The following ADAM9 variants were observed in gnomAD, a reference collection of about 807,000 sequenced individuals.
ADAM9 encodes ADAM metallopeptidase domain 9, also known as disintegrin and metalloproteinase domain-containing protein 9.
In ADAM9, 54 loss-of-function variants were observed where a neutral mutation model predicts 108.1. That is an observed-to-expected ratio of 0.50 (90% confidence interval 0.40 to 0.63). The LOEUF (loss-of-function observed/expected upper bound fraction) is 0.63, where lower values mean the gene tolerates loss of function less well. Ranked by LOEUF, ADAM9 falls within the 20% of genes least tolerant of loss-of-function variation. ADAM9 has a pLI of 0.00. For missense variants in ADAM9, 830 were observed against 997.7 expected, an observed-to-expected ratio of 0.83 and a Z score of 2.26; for synonymous variants, 316 against 336.0, an observed-to-expected ratio of 0.94 and a Z score of 0.65.
chr8:39,043,433 C>T (rs1837515230), intron 12 of ADAM9, among the ~76,000 whole-genome samples: 1 of 152,096 alleles, frequency 6.6e-6, no homozygotes, highest in African/African-American at 2.4e-5. Flanking sequence ...CTTGCCGACA[C>T]TTGTTGTCTT....
chr8:39,014,729 A>AT, intron 4 of ADAM9: 1 of 522,808 alleles, frequency 1.9e-6, no homozygotes, highest in Non-Finnish European at 3.4e-6. Flanking sequence ...TGTATGTTTT[A>AT]TTTTTCTTCT....
intron 16 of ADAM9, among the ~76,000 whole-genome samples, chr8:39,080,688 ATATT>A (rs1349950081): frequency 6.6e-6 from 1 of 152,168 alleles, no homozygotes; most frequent in African/African-American, 2.4e-5. Flanking sequence ...TATTCTTTAT[ATATT>A]TATTCAACAT....
chr8:39,054,618 A>AAG, intron 13 of ADAM9, 45 bp downstream of exon 13: 1 of 1,522,772 alleles, frequency 6.6e-7, no homozygotes, highest in South Asian at 1.2e-5. Context: ...AAAAAAAAAA[A>AAG]AAAAGAAAAC....
chr8:39,085,897 C>T (rs2129442722), intron 18 of ADAM9, among the ~76,000 whole-genome samples: 1 of 152,056 alleles, frequency 6.6e-6, no homozygotes, highest in Admixed American at 6.6e-5. Flanking sequence ...TTTCTGTCTT[C>T]CTCTTTCTCC....
chr8:39,007,758 A>G, intron 1 of ADAM9, 128 bp from the exon 2 acceptor site: 1 of 675,356 alleles, frequency 1.5e-6, no homozygotes, highest in South Asian at 1.7e-5. Flanking sequence ...CTTTTATTAT[A>G]TGCATATTGT....
rs1007454535 is a variant in ADAM9 at position 39,054,672 on chromosome 8, C to T, written c.1395+99C>T. 23 of 1,054,110 alleles carry T rather than the reference C, an allele frequency of 2.2e-5. No individual in the cohort carries two copies. The South Asian group carries it at 2.9e-4, about 13-fold the overall frequency. 65.3% of individuals were successfully genotyped at this position (1,054,110 alleles called of 1,614,324 possible). A position where few individuals can be genotyped will look rare whatever the true frequency, so the allele number is the denominator to read the frequency against. On this transcript the variant is annotated intron_variant, in intron 13 of 21. Coordinates refer to ENST00000487273, the MANE Select transcript of ADAM9 (RefSeq NM_003816.3). ...GTTTTTTGAGATTTCTGAGTCAGCA[C>T]TATTTTTATTTTATGGTCATGGGAA...
intron 12 of ADAM9, among the ~76,000 whole-genome samples, chr8:39,045,100 GTGTGCATACATACATA>G (rs1564297317): frequency 1.8e-4 from 4 of 22,786 alleles, no homozygotes; most frequent in Admixed American, 5.1e-4. Flanking sequence ...ACATATGTGT[GTGTGCATACATACATA>G]TGTGTGTGTG....
intron 14 of ADAM9, among the ~76,000 whole-genome samples, chr8:39,066,253 T>C (rs1407318947): frequency 2.0e-5 from 3 of 152,238 alleles, no homozygotes; most frequent in African/African-American, 4.8e-5. Context: ...TTATAATCCT[T>C]TGGGTATATA....
At chr8:39,079,474 T>C (rs547627561) in intron 16 of ADAM9, among the ~76,000 whole-genome samples, 52 of 152,320 alleles carry the variant, frequency 3.4e-4, no homozygotes, top group African/African-American at 1.2e-3. Flanking sequence ...GATATCTCTT[T>C]TTCTATTAGC....
At chr8:39,067,464 T>C (rs1186432000) in intron 14 of ADAM9, among the ~76,000 whole-genome samples, 1 of 152,218 alleles carries the variant, frequency 6.6e-6, no homozygotes, top group Non-Finnish European at 1.5e-5. Flanking sequence ...AAGAGGTCCT[T>C]CACATCCCTT....
chr8:39,088,727 C>T (rs1040461577), intron 18 of ADAM9, among the ~76,000 whole-genome samples: 37 of 151,892 alleles, frequency 2.4e-4, no homozygotes, highest in Non-Finnish European at 2.5e-4. Context: ...ATCTAGAAGG[C>T]GTAAAAATAA....
intron 14 of ADAM9, among the ~76,000 whole-genome samples, chr8:39,057,698 G>C (rs1838170333): frequency 6.6e-6 from 1 of 152,168 alleles, no homozygotes; most frequent in African/African-American, 2.4e-5. Flanking sequence ...TCTCTTACTT[G>C]AGGGAGGACT....
At chr8:39,057,192 G>A (rs1470047422) in intron 14 of ADAM9, among the ~76,000 whole-genome samples, 1 of 151,948 alleles carries the variant, frequency 6.6e-6, no homozygotes, top group Non-Finnish European at 1.5e-5. Flanking sequence ...ACCTAGGTTT[G>A]TTTAAGTGCA....
At chr8:39,041,323 T>C (rs1307542565) in intron 11 of ADAM9, among the ~76,000 whole-genome samples, 4 of 152,222 alleles carry the variant, frequency 2.6e-5, no homozygotes, top group Admixed American at 2.0e-4. Context: ...CAACTAACTT[T>C]CAAAGTACTA....
At chr8:39,019,466 AT>A (rs1190916441) in intron 7 of ADAM9, among the ~76,000 whole-genome samples, 3 of 152,334 alleles carry the variant, frequency 2.0e-5, no homozygotes, top group African/African-American at 7.2e-5. Context: ...AAGAGAAGTA[AT>A]GTGTCCCTAT....
At chr8:39,023,610 C>T (rs1249346058) in intron 9 of ADAM9, among the ~76,000 whole-genome samples, 2 of 151,926 alleles carry the variant, frequency 1.3e-5, no homozygotes, top group African/African-American at 4.8e-5. Flanking sequence ...TTTTGACCTC[C>T]TGTGTGTCTG....
At chr8:39,045,574 A>T (rs76959501) in intron 12 of ADAM9, among the ~76,000 whole-genome samples, 4 of 148,370 alleles carry the variant, frequency 2.7e-5, no homozygotes, top group African/African-American at 1.0e-4. Context: ...GTGTGTGTAT[A>T]TATATATATA....
intron 12 of ADAM9, among the ~76,000 whole-genome samples, chr8:39,044,520 G>T (rs978726001): frequency 6.6e-6 from 1 of 151,466 alleles, no homozygotes; most frequent in Non-Finnish European, 1.5e-5. Flanking sequence ...ATCCTGGTGG[G>T]GATTGGGCTT....
At chr8:39,046,950 G>A (rs759256965) in intron 12 of ADAM9, among the ~76,000 whole-genome samples, 1 of 152,042 alleles carries the variant, frequency 6.6e-6, no homozygotes, top group Non-Finnish European at 1.5e-5. Context: ...TGTATGTTTT[G>A]TAGAGAAGGG....
Sources: gnomAD v4.1 joint callset for allele counts (sites outside exome capture counted in the v4.1 genomes callset) on GRCh38, gnomAD v4.1.1 for gene constraint, MANE v1.5 for transcripts, NCBI Gene and HGNC (gene_info 2026-07-23, HGNC 2026-07-21) for gene names.